The following ACCSL variants were observed in gnomAD, a reference collection of about 807,000 sequenced individuals.
ACCSL encodes the protein probable inactive 1-aminocyclopropane-1-carboxylate synthase-like protein 2.
In ACCSL, 55 loss-of-function variants were observed where a neutral mutation model predicts 61.7. That is an observed-to-expected ratio of 0.89 (90% confidence interval 0.72 to 1.12). The LOEUF is 1.12. ACCSL is among the 50% of genes most tolerant of loss of function. The probability of loss-of-function intolerance (pLI) is 0.00; values close to 1 mark genes in which losing one functional copy is unlikely to be tolerated. For missense variants in ACCSL, 632 were observed against 698.0 expected (o/e 0.91, Z 1.07); for synonymous variants, 258 against 264.3 (o/e 0.98, Z 0.23).
chr11:43,971,871 G>A, the ACCSL span, among the ~76,000 whole-genome samples: 1 of 152,156 alleles, frequency 6.6e-6, no homozygotes, highest in South Asian at 2.1e-4. Context: ...CAGGGTCACA[G>A]ACCTCACCAG....
chr11:44,026,095 T>G, the ACCSL span, among the ~76,000 whole-genome samples: 1 of 152,214 alleles, frequency 6.6e-6, no homozygotes, highest in East Asian at 1.9e-4. Context: ...ATTTGTGCAG[T>G]TTTCAGCCAT....
chr11:43,986,910 A>C, the ACCSL span, among the ~76,000 whole-genome samples: 2 of 152,100 alleles, frequency 1.3e-5, no homozygotes, highest in Admixed American at 6.5e-5. Context: ...GTGCTCCCTC[A>C]CCACCTCCAT....
the ACCSL span, among the ~76,000 whole-genome samples, chr11:44,026,591 T>A: frequency 6.6e-6 from 1 of 152,258 alleles, no homozygotes; most frequent in Non-Finnish European, 1.5e-5. Context: ...TACTTTCCTG[T>A]TTCTTAGTGT....
Position 44,056,255 on chromosome 11 carries a change from G to C in ACCSL, c.1256G>C (p.Ser419Thr), listed in dbSNP as rs145265203. Residue 419 changes from serine (S) to threonine (T), a missense_variant, in exon 11 of 14, where the codon AGT becomes ACT. Transcript: ENST00000378832. Reference sequence around the variant, plus strand: ...AACAAGGAGGTGGCCTCTGCTGTGAGTGCCTTTGGCTACCTCCACAGTATT... The same window carrying C: ...AACAAGGAGGTGGCCTCTGCTGTGACTGCCTTTGGCTACCTCCACAGTATT... ...THNKEVASAV[S>T]AFGYLHSISG... 1.2e-5 allele frequency: 19 copies of C among 1,614,208 alleles called. No individual in the cohort carries two copies. The East Asian group carries it at 4.2e-4, about 36-fold the overall frequency.
At chr11:43,935,778 C>T in the ACCSL span, among the ~76,000 whole-genome samples, 1 of 152,210 alleles carries the variant, frequency 6.6e-6, no homozygotes, top group Non-Finnish European at 1.5e-5. Context: ...CAGACATGCG[C>T]CACCATGCCC....
chr11:43,995,406 A>G, the ACCSL span: 2 of 152,234 alleles, frequency 1.3e-5, no homozygotes, highest in Non-Finnish European at 2.9e-5. Context: ...CATGGAGGAC[A>G]CACATGAGGC....
chr11:43,973,535 ATCT>A, the ACCSL span, among the ~76,000 whole-genome samples: 1 of 152,156 alleles, frequency 6.6e-6, no homozygotes, highest in Non-Finnish European at 1.5e-5. Flanking sequence ...TACCATCCCC[ATCT>A]TCTTACTGGT....
chr11:44,030,054 TTG>T, the ACCSL span, among the ~76,000 whole-genome samples: 1 of 118,356 alleles, frequency 8.4e-6, no homozygotes, highest in Non-Finnish European at 1.7e-5. Context: ...GTTTCTTTGG[TTG>T]ATTTTTTTTT....
the ACCSL span, among the ~76,000 whole-genome samples, chr11:43,930,807 TCA>T: frequency 4.0e-4 from 61 of 151,818 alleles, no homozygotes; most frequent in Admixed American, 1.2e-3. Context: ...AAAAAAGTTT[TCA>T]CACACACACA....
At chr11:44,042,652 TTTTTTTG>T in the ACCSL span, among the ~76,000 whole-genome samples, 4 of 151,570 alleles carry the variant, frequency 2.6e-5, no homozygotes, top group East Asian at 1.9e-4. Flanking sequence ...TTTTGTTTGT[TTTTTTTG>T]TTTTTTTAGC....
At chr11:44,005,587 G>GT in the ACCSL span, among the ~76,000 whole-genome samples, 1 of 152,122 alleles carries the variant, frequency 6.6e-6, no homozygotes, top group Non-Finnish European at 1.5e-5. Flanking sequence ...GGCATTGGGT[G>GT]TGTTTTCTGC....
chr11:44,009,845 A>G, the ACCSL span, among the ~76,000 whole-genome samples: 1 of 152,352 alleles, frequency 6.6e-6, no homozygotes, highest in South Asian at 2.1e-4. Context: ...CTGGCTGCCC[A>G]TAGAAAAGGC....
the ACCSL span, among the ~76,000 whole-genome samples, chr11:43,968,641 C>T: frequency 2.6e-5 from 4 of 152,172 alleles, no homozygotes; most frequent in Non-Finnish European, 4.4e-5. Context: ...ATTGTGAATT[C>T]AGGCTTCGAA....
At chr11:44,034,746 G>A in the ACCSL span, among the ~76,000 whole-genome samples, 1 of 152,136 alleles carries the variant, frequency 6.6e-6, no homozygotes, top group Non-Finnish European at 1.5e-5. Flanking sequence ...TGAGATTTGG[G>A]TGGGGACATA....
chr11:43,942,934 C>T, the ACCSL span: 13 of 1,448,968 alleles, frequency 9.0e-6, no homozygotes, highest in Non-Finnish European at 1.2e-5. Flanking sequence ...AGCTGATGGG[C>T]ATCTGCTCCA....
At chr11:43,961,091 G>T in the ACCSL span, among the ~76,000 whole-genome samples, 2 of 152,178 alleles carry the variant, frequency 1.3e-5, no homozygotes, top group African/African-American at 4.8e-5. Context: ...AAAGCGCTGG[G>T]ATTACAGGCG....
chr11:44,015,090 T>C, the ACCSL span, among the ~76,000 whole-genome samples: 2 of 152,212 alleles, frequency 1.3e-5, no homozygotes, highest in African/African-American at 4.8e-5. Context: ...CTCACCAAGT[T>C]GGTGATGGAG....
chr11:44,050,031 T>A (rs1952626435), intron 1 of ACCSL, 31 bp from the exon 2 acceptor site: 2 of 1,614,032 alleles, frequency 1.2e-6, no homozygotes, highest in South Asian at 2.2e-5. Context: ...GCAAGAGGAC[T>A]GACCTGATCT....
chr11:44,045,181 C>T (rs1316987004), upstream of ACCSL, among the ~76,000 whole-genome samples: 2 of 152,124 alleles, frequency 1.3e-5, no homozygotes, highest in African/African-American at 4.8e-5. Context: ...CTCCTGCCTA[C>T]AATCCTAGCA....
Sources: gnomAD v4.1 joint callset for allele counts (sites outside exome capture counted in the v4.1 genomes callset) on GRCh38, gnomAD v4.1.1 for gene constraint, MANE v1.5 for transcripts, NCBI Gene and HGNC (gene_info 2026-07-23, HGNC 2026-07-21) for gene names.